The following COL25A1 variants were observed in gnomAD, a reference collection of about 807,000 sequenced individuals.
The protein encoded by COL25A1 is collagen type XXV alpha 1 chain.
A neutral mutation model predicts 128.4 loss-of-function variants in COL25A1; 103 were observed. That is an observed-to-expected ratio of 0.80 (90% CI 0.68 to 0.94). The LOEUF is 0.94. COL25A1 is among the 40% of genes least tolerant of loss of function. The pLI is 0.00. For missense variants in COL25A1, 745 were observed against 840.0 expected, an observed-to-expected ratio of 0.89 and a Z score of 1.40; for synonymous variants, 279 against 277.2, an observed-to-expected ratio of 1.01 and a Z score of -0.06.
intron 33 of COL25A1, 53 bp from the exon 34 acceptor site, chr4:108,825,275 T>A (rs757286011): frequency 4.2e-6 from 6 of 1,418,276 alleles, no homozygotes; most frequent in Non-Finnish European, 6.0e-6. Flanking sequence ...TGTGAATAGA[T>A]TATTGCTTTA....
chr4:109,289,091 G>A (rs888453010), intron 3 of COL25A1, among the ~76,000 whole-genome samples: 1 of 151,592 alleles, frequency 6.6e-6, no homozygotes, highest in Non-Finnish European at 1.5e-5. Context: ...GTACACCTAT[G>A]GAAAACTGCA....
chr4:109,134,186 T>G (rs1201634172), intron 3 of COL25A1, among the ~76,000 whole-genome samples: 1 of 137,414 alleles, frequency 7.3e-6, no homozygotes, highest in Non-Finnish European at 1.5e-5. Flanking sequence ...GGGGCCAGAT[T>G]ATAGGAGGTT....
At chr4:109,140,314 T>C (rs544002438) in intron 3 of COL25A1, among the ~76,000 whole-genome samples, 1 of 152,344 alleles carries the variant, frequency 6.6e-6, no homozygotes, top group Non-Finnish European at 1.5e-5. Context: ...ACCAGTACCA[T>C]GCTATTTTGG....
At chr4:109,000,416 C>T (rs9999788) in intron 6 of COL25A1, among the ~76,000 whole-genome samples, 120,967 of 152,054 alleles carry the variant, frequency 0.8, 49,294 homozygotes, top group East Asian at 1. Context: ...ATCTGTCTGA[C>T]CAAAGTCCAT....
At chr4:108,848,598 C>T (rs1198171640) in intron 27 of COL25A1, among the ~76,000 whole-genome samples, 161 bp downstream of exon 27, 2 of 152,100 alleles carry the variant, frequency 1.3e-5, no homozygotes, top group Non-Finnish European at 1.5e-5. Flanking sequence ...GCGAAGAAAA[C>T]TAATGTCTGC....
intron 3 of COL25A1, among the ~76,000 whole-genome samples, chr4:109,124,763 T>C (rs751062961): frequency 6.6e-6 from 1 of 152,012 alleles, no homozygotes; most frequent in Non-Finnish European, 1.5e-5. Context: ...AAGAATTATA[T>C]AGCCAAATAA....
intron 3 of COL25A1, among the ~76,000 whole-genome samples, chr4:109,159,723 CTA>C (rs1295297283): frequency 2.0e-5 from 3 of 152,182 alleles, no homozygotes; most frequent in Non-Finnish European, 4.4e-5. Context: ...AGGGTTCTAA[CTA>C]TGTGGCTAAA....
chr4:108,850,932 A>G (rs1049205345), intron 26 of COL25A1, among the ~76,000 whole-genome samples: 5 of 151,994 alleles, frequency 3.3e-5, no homozygotes, highest in Non-Finnish European at 7.4e-5. Context: ...AGGCCTTTGG[A>G]CTGTAGAGAA....
rs1376592883 is a variant in COL25A1, at chr4:108,972,188, T to C, written c.492+2179A>G. Among the ~76,000 whole-genome samples, 5 of 151,914 alleles carry C rather than the reference T, an allele frequency of 3.3e-5. No homozygotes were observed. The East Asian group carries it at 9.6e-4, about 29-fold the overall frequency. On this transcript the variant is annotated intron_variant, in intron 8 of 37. Transcript: ENST00000399132. ...TCACATTGTTATTTATGGGAAGAAA[T>C]AAACTATTGGAAACAAATGGTAAAA...
At chr4:109,095,855 C>A (rs973029678) in intron 3 of COL25A1, among the ~76,000 whole-genome samples, 1 of 152,110 alleles carries the variant, frequency 6.6e-6, no homozygotes, top group African/African-American at 2.4e-5. Flanking sequence ...TCCCTGGCAA[C>A]CCCTAAAGGG....
chr4:109,193,253 A>G (rs954749106), intron 3 of COL25A1, among the ~76,000 whole-genome samples: 4 of 152,180 alleles, frequency 2.6e-5, no homozygotes, highest in Non-Finnish European at 5.9e-5. Flanking sequence ...GTAGCAATTC[A>G]GCCAACTAGA....
chr4:109,247,087 G>A (rs1428263050), intron 3 of COL25A1, among the ~76,000 whole-genome samples: 1 of 152,194 alleles, frequency 6.6e-6, no homozygotes, highest in East Asian at 1.9e-4. Flanking sequence ...CTTGAGGCTG[G>A]GTGTGGTGGT....
chr4:109,290,407 C>T (rs994651950), intron 3 of COL25A1, among the ~76,000 whole-genome samples: 2 of 151,976 alleles, frequency 1.3e-5, no homozygotes, highest in African/African-American at 2.4e-5. Flanking sequence ...TAATTTTGTA[C>T]AGAGGAAATT....
chr4:109,284,622 G>A (rs188904943), intron 3 of COL25A1, among the ~76,000 whole-genome samples: 131 of 152,188 alleles, frequency 8.6e-4, no homozygotes, highest in African/African-American at 3.0e-3. Flanking sequence ...ACTTTCTCAC[G>A]CTTAGGCATT....
At chr4:109,182,439 G>T (rs1384311194) in intron 3 of COL25A1, among the ~76,000 whole-genome samples, 1 of 152,114 alleles carries the variant, frequency 6.6e-6, no homozygotes, top group Non-Finnish European at 1.5e-5. Context: ...GTAAACTACA[G>T]TATGATTATA....
intron 5 of COL25A1, among the ~76,000 whole-genome samples, chr4:109,046,353 G>T (rs763050604): frequency 1.3e-5 from 2 of 152,174 alleles, no homozygotes; most frequent in Non-Finnish European, 2.9e-5. Context: ...TCAAGAAAGC[G>T]AGAGCTATAT....
At chr4:108,872,707 CAT>C (rs1553957065) in intron 19 of COL25A1, among the ~76,000 whole-genome samples, 12 of 140,708 alleles carry the variant, frequency 8.5e-5, no homozygotes, top group African/African-American at 3.0e-4. Context: ...CACACACACA[CAT>C]ATACATATAT....
chr4:109,248,926 G>A (rs746623355), intron 3 of COL25A1, among the ~76,000 whole-genome samples: 4 of 152,162 alleles, frequency 2.6e-5, no homozygotes, highest in Non-Finnish European at 4.4e-5. Flanking sequence ...TCATATAAGG[G>A]AGACAGTCAG....
At chr4:109,077,784 G>A (rs775863717) in intron 3 of COL25A1, among the ~76,000 whole-genome samples, 10 of 152,182 alleles carry the variant, frequency 6.6e-5, no homozygotes, top group East Asian at 3.9e-4. Flanking sequence ...ATCAAGTGCC[G>A]AAGGATAAGA....
Sources: allele counts gnomAD v4.1 joint callset (sites outside exome capture counted in the v4.1 genomes callset), GRCh38; gene constraint gnomAD v4.1.1; transcripts MANE v1.5; gene names NCBI Gene and HGNC (gene_info 2026-07-23, HGNC 2026-07-21).